Variants in PAFAH1B3 observed in about 807,000 individuals in gnomAD.
PAFAH1B3 encodes the protein platelet-activating factor acetylhydrolase IB subunit alpha1.
In PAFAH1B3, 15 loss-of-function variants were observed where a neutral mutation model predicts 24.4. That is an observed-to-expected ratio of 0.62 (90% CI 0.41 to 0.95). PAFAH1B3 has a LOEUF of 0.95. PAFAH1B3 is among the 40% of genes least tolerant of loss of function. The pLI is 0.00. For synonymous variants in PAFAH1B3, 144 were observed against 126.5 expected (o/e 1.14, Z -0.93); for missense variants, 266 against 312.2 (o/e 0.85, Z 1.12).
chr19:42,298,210 GC>G (rs1387456753), intron 4 of PAFAH1B3, among the ~76,000 whole-genome samples: 1 of 151,972 alleles, frequency 6.6e-6, no homozygotes, highest in African/African-American at 2.4e-5. Flanking sequence ...AAATAAATAG[GC>G]CAAGGGAGGT....
In PAFAH1B3 at chr19:42,300,036, A is replaced by G; in HGVS notation, c.342T>C (p.Thr114=). The change falls in exon 4 of 5, where the codon ACT becomes ACC. Residue 114 remains threonine (T), a synonymous_variant. Coordinates refer to ENST00000262890, the MANE Select transcript of PAFAH1B3 (RefSeq NM_002573.4). The stretch of plus-strand genomic sequence containing the variant: ...GTTGCACAATGGCCTTGATGCCACC[A>G]GTCACCTGCTCTGCTGTGTGTCCGT... ...NNHGHTAEQV[T]GGIKAIVQLV... 6.2e-7 allele frequency: 1 copy of G among 1,614,148 alleles called. No homozygotes were observed. The highest frequency in any genetic ancestry group is 8.5e-7 in the Non-Finnish European group (1 of 1,179,990).
chr19:42,302,767 G>A (rs537414862), upstream of PAFAH1B3: 2 of 147,256 alleles, frequency 1.4e-5, no homozygotes, highest in Admixed American at 6.7e-5. Flanking sequence ...ACCATTTGCT[G>A]TACAGAGTGA....
chr19:42,300,646 T>A (rs988824086), intron 2 of PAFAH1B3, among the ~76,000 whole-genome samples: 6 of 152,064 alleles, frequency 3.9e-5, no homozygotes, highest in African/African-American at 1.5e-4. Flanking sequence ...GCCTCCTGAG[T>A]AGCTGGGACT....
At chr19:42,297,738 T>TA (rs1342806236) in intron 4 of PAFAH1B3, among the ~76,000 whole-genome samples, 1 of 152,074 alleles carries the variant, frequency 6.6e-6, no homozygotes, top group Non-Finnish European at 1.5e-5. Context: ...CATGCCCGGC[T>TA]AATTTTTTGT....
At position 42,297,383 on chromosome 19, in the gene PAFAH1B3, G is replaced by A. The variant is rs1374621291; in HGVS notation, c.409-18C>T. 1 of 1,593,726 alleles carries A rather than the reference G, an allele frequency of 6.3e-7. No individual in the cohort carries two copies. The highest frequency in any genetic ancestry group is 1.7e-5 in the Admixed American group (1 of 59,364). Reference sequence around the variant, plus strand: ...AGCAGGCCCTGAGCAGGAACACGAGGCGTAGTAAGGAAACAAGCATTTGAG... The same window carrying A: ...AGCAGGCCCTGAGCAGGAACACGAGACGTAGTAAGGAAACAAGCATTTGAG... On this transcript the variant is annotated intron_variant, in intron 4 of 4. Coordinates refer to ENST00000262890, the MANE Select transcript of PAFAH1B3 (RefSeq NM_002573.4).
At chr19:42,301,485 G>A (rs553853603) in intron 2 of PAFAH1B3, among the ~76,000 whole-genome samples, 1 of 152,326 alleles carries the variant, frequency 6.6e-6, no homozygotes, top group African/African-American at 2.4e-5. Flanking sequence ...GTCTGCTTGA[G>A]CCATGCATTG....
Position 42,297,126 on chromosome 19 carries a change from C to G in PAFAH1B3, c.648G>C (p.Leu216=), listed in dbSNP as rs776218743. ...RALHSLLLRL[L]AQDQGQGAPL... is the part of the protein sequence containing the mutation. ...GAGCACCTTGGCCCTGGTCTTGGGC[C>G]AGCAGACGCAGAAGCAGGGAGTGCA... The change falls in exon 5 of 5, where the codon CTG becomes CTC. Residue 216 remains leucine, a synonymous_variant. Transcript: ENST00000262890. The G allele has an allele frequency of 5.6e-6, 9 of 1,612,036 alleles. No homozygotes were observed. In the South Asian group the frequency reaches 8.8e-5, roughly 16 times the overall value.
chr19:42,302,202 C>G (rs370796504), intron 1 of PAFAH1B3, 30 bp downstream of exon 1: 56 of 1,563,662 alleles, frequency 3.6e-5, no homozygotes, highest in Middle Eastern at 3.3e-4. Flanking sequence ...CGCCCCCGGA[C>G]TCCTCAATAT....
At position 42,302,482 on chromosome 19, in the gene PAFAH1B3, G is replaced by C. The variant is rs1024156575; in HGVS notation, c.-173C>G. 2 of 595,954 alleles carry C rather than the reference G, an allele frequency of 3.4e-6. No individual in the cohort carries two copies. The highest frequency in any genetic ancestry group is 3.7e-5 in the African/African-American group (2 of 53,594). 36.9% of individuals were successfully genotyped at this position (595,954 alleles called of 1,614,324 possible). ...TACAGGGCGCCGCCTCCTCTCCAGG[G>C]ACGGAAGCCTTCACTTAGGAGGTAG... On this transcript the variant is annotated 5_prime_UTR_variant, in exon 1 of 5. Transcript: ENST00000262890.
rs2038653145 is a variant in PAFAH1B3 at position 42,302,541 on chromosome 19, G to C, written c.-232C>G. ...AGGAACCTTCGCTTCCCCCACGACG[G>C]CCGCACAGTGGGCTCGCCCGGCGCT... is the stretch of plus-strand genomic sequence containing the variant. On this transcript the variant is annotated 5_prime_UTR_variant, in exon 1 of 5. Coordinates refer to ENST00000262890, the MANE Select transcript of PAFAH1B3 (RefSeq NM_002573.4). 14 of 493,806 alleles carry C rather than the reference G, an allele frequency of 2.8e-5. No individual in the cohort carries two copies. The South Asian group carries it at 3.5e-4, about 12-fold the overall frequency. 30.6% of individuals were successfully genotyped at this position (493,806 alleles called of 1,614,324 possible).
In PAFAH1B3 at chr19:42,301,969, T is replaced by C. The variant is rs1435481789; in HGVS notation, c.149A>G (p.Gln50Arg). The change falls in exon 2 of 5, where the codon CAG becomes CGG. Residue 50 changes from glutamine to arginine, a missense_variant. Transcript: ENST00000262890. ...EVVFIGDSLV[Q>R]LMHQCEIWRE... ...CCTCACCTCGCACTGGTGCATGAGC[T>C]GGACCAAGGAGTCCCCGATGAAGAC... The C allele has an allele frequency of 6.4e-7, 1 of 1,562,526 alleles. No homozygotes were observed. Among genetic ancestry groups the C allele is most frequent in the Non-Finnish European group, 8.7e-7 (1 of 1,153,416 alleles).
chr19:42,300,883 C>T (rs851611), intron 2 of PAFAH1B3, among the ~76,000 whole-genome samples: 1,816 of 152,206 alleles, frequency 0.012, 47 homozygotes, highest in African/African-American at 0.042. Flanking sequence ...AGTGCGATCT[C>T]GGCTCATTGC....
rs1274347080 is a variant in PAFAH1B3, at chr19:42,302,270, C to G, written c.40G>C (p.Val14Leu). ...EENPASKPTP[V>L]QDVQGDGRWM... Reference sequence around the variant, plus strand: ...CGCCCGTCGCCCTGTACGTCCTGCACCGGCGTGGGCTTGCTGGCTGGGTTC... The same window carrying G: ...CGCCCGTCGCCCTGTACGTCCTGCAGCGGCGTGGGCTTGCTGGCTGGGTTC... The change falls in exon 1 of 5, where the codon GTG becomes CTG. Residue 14 changes from valine to leucine, a missense_variant. Val to Leu is a conservative substitution (Grantham distance 32). Transcript: ENST00000262890. The G allele has an allele frequency of 2.5e-6, 4 of 1,607,156 alleles. No individual in the cohort carries two copies. Among genetic ancestry groups the G allele is most frequent in the African/African-American group, 2.7e-5 (2 of 74,828 alleles).
At chr19:42,297,570 GTTTTC>G (rs2038551620) in intron 4 of PAFAH1B3, among the ~76,000 whole-genome samples, 1 of 149,136 alleles carries the variant, frequency 6.7e-6, no homozygotes, top group South Asian at 2.1e-4. Flanking sequence ...ACCCTCTTTC[GTTTTC>G]TTTTTTTTTT....
In PAFAH1B3 at chr19:42,302,539, C is replaced by A. The variant is rs945511384; in HGVS notation, c.-230G>T. 3 of 499,122 alleles carry A rather than the reference C, an allele frequency of 6.0e-6. No homozygotes were observed. The highest frequency in any genetic ancestry group is 3.9e-5 in the African/African-American group (2 of 50,708). The allele number at this position is 499,122 out of a possible 1,614,324, so 30.9% of individuals were successfully genotyped here. A position where few individuals can be genotyped will look rare whatever the true frequency, so the allele number is the denominator to read the frequency against. On this transcript the variant is annotated 5_prime_UTR_variant, in exon 1 of 5. Transcript: ENST00000262890. ...TCAGGAACCTTCGCTTCCCCCACGA[C>A]GGCCGCACAGTGGGCTCGCCCGGCG...
rs781756687 is a variant in PAFAH1B3, at chr19:42,297,053, ATGT to A, written c.*22_*24del. 44 of 1,588,444 alleles carry A rather than the reference ATGT, an allele frequency of 2.8e-5. No individual in the cohort carries two copies. In the East Asian group the frequency reaches 6.1e-4, roughly 22 times the overall value. On this transcript the variant is annotated 3_prime_UTR_variant, in exon 5 of 5. Coordinates refer to ENST00000262890, the MANE Select transcript of PAFAH1B3 (RefSeq NM_002573.4). ...CAGCACACTGAGGAAGGAGAGTTTA[ATGT>A]TGTGGGAAGGCAGCAGGATGCTTAG...
intron 2 of PAFAH1B3, 28 bp downstream of exon 2, chr19:42,301,922 G>A: frequency 2.6e-6 from 4 of 1,523,150 alleles, no homozygotes; most frequent in Non-Finnish European, 3.6e-6. Context: ...AGGGCTGGAT[G>A]GGGCAGGGGG....
chr19:42,300,404 C>T (rs761853470), intron 2 of PAFAH1B3, 117 bp from the exon 3 acceptor site: 46 of 857,690 alleles, frequency 5.4e-5, no homozygotes, highest in Non-Finnish European at 6.6e-5. Flanking sequence ...AACCTTACTT[C>T]ATGGAAGCAG....
chr19:42,300,756 T>C lies in PAFAH1B3; in HGVS notation c.169-469A>G, dbSNP rs1310095332. Among the ~76,000 whole-genome samples, 42 of 152,142 alleles carry C rather than the reference T, an allele frequency of 2.8e-4. 2 individuals carry two copies. The highest frequency in any genetic ancestry group is 2.6e-3 in the Admixed American group (40 of 15,268). On this transcript the variant is annotated intron_variant, in intron 2 of 4. Coordinates refer to ENST00000262890, the MANE Select transcript of PAFAH1B3 (RefSeq NM_002573.4). Reference sequence around the variant, plus strand: ...CTGGTCTCGAACTCCTGACCTCAGGTGATCCACCTGCCTCGGCCTCCCAAA... The same window carrying C: ...CTGGTCTCGAACTCCTGACCTCAGGCGATCCACCTGCCTCGGCCTCCCAAA...
Sources: gnomAD v4.1 joint callset for allele counts (sites outside exome capture counted in the v4.1 genomes callset) on GRCh38, gnomAD v4.1.1 for gene constraint, MANE v1.5 for transcripts, NCBI Gene and HGNC (gene_info 2026-07-23, HGNC 2026-07-21) for gene names.